ERC2: variants seen among roughly 807,000 people sequenced by gnomAD.
ERC2 encodes ERC protein 2.
ERC2 carries 42 observed loss-of-function variants against 114.8 expected under a neutral mutation model. The ratio of observed to expected loss-of-function variants is 0.37; its 90% CI spans 0.29 to 0.47. The LOEUF (loss-of-function observed/expected upper bound fraction) is 0.47, where lower values mean the gene tolerates loss of function less well. Ranked by LOEUF, ERC2 falls within the 20% of genes least tolerant of loss-of-function variation. The pLI is 0.99. For missense variants in ERC2, 939 were observed against 1,150.7 expected, an observed-to-expected ratio of 0.82 and a Z score of 2.66; for synonymous variants, 454 against 425.5, an observed-to-expected ratio of 1.07 and a Z score of -0.82.
chr3:56,108,120 C>T (rs940570006), intron 6 of ERC2, among the ~76,000 whole-genome samples: 2 of 152,078 alleles, frequency 1.3e-5, no homozygotes, highest in Non-Finnish European at 2.9e-5. Context: ...AATACCACAT[C>T]AATAAGCAAA....
chr3:56,256,342 A>G (rs1015321137), intron 3 of ERC2, among the ~76,000 whole-genome samples: 2 of 152,232 alleles, frequency 1.3e-5, no homozygotes, highest in Admixed American at 6.5e-5. Flanking sequence ...GTACTGAATA[A>G]CAGAGAGTTG....
At chr3:55,671,899 C>A (rs1022110744) in intron 17 of ERC2, among the ~76,000 whole-genome samples, 2 of 152,200 alleles carry the variant, frequency 1.3e-5, no homozygotes, top group African/African-American at 4.8e-5. Flanking sequence ...ATAAGCACAG[C>A]AAACGCTGTC....
chr3:56,190,125 T>C (rs760629986), intron 3 of ERC2, among the ~76,000 whole-genome samples: 1 of 152,084 alleles, frequency 6.6e-6, no homozygotes, highest in Non-Finnish European at 1.5e-5. Context: ...AAAAATGAAA[T>C]GGAATTAGGG....
intron 2 of ERC2, among the ~76,000 whole-genome samples, chr3:56,405,491 G>T (rs1366557016): frequency 1.3e-5 from 2 of 151,930 alleles, no homozygotes; most frequent in African/African-American, 4.8e-5. Flanking sequence ...CAAAGTCAAT[G>T]TTCACACAGT....
chr3:55,765,289 C>T (rs962823332), intron 14 of ERC2, among the ~76,000 whole-genome samples: 5 of 152,068 alleles, frequency 3.3e-5, no homozygotes, highest in African/African-American at 9.7e-5. Flanking sequence ...TAAAAGGAGA[C>T]TTTTTTCTCT....
At chr3:56,468,094 C>A in intron 1 of ERC2, among the ~76,000 whole-genome samples, 154 bp downstream of exon 1, 1 of 131,324 alleles carries the variant, frequency 7.6e-6, no homozygotes, top group African/African-American at 2.7e-5. Context: ...CAAGAAAGCC[C>A]CGTAGGAGGC....
At chr3:56,384,628 G>T (rs2059869431) in intron 2 of ERC2, among the ~76,000 whole-genome samples, 2 of 152,016 alleles carry the variant, frequency 1.3e-5, no homozygotes, top group South Asian at 4.1e-4. Flanking sequence ...TATATGATTT[G>T]CAAATATTTT....
intron 16 of ERC2, among the ~76,000 whole-genome samples, chr3:55,687,875 A>G (rs1342752731): frequency 3.3e-5 from 5 of 152,358 alleles, no homozygotes; most frequent in Admixed American, 3.3e-4. Context: ...TCTGTAAAGG[A>G]AAACAATAGG....
chr3:56,230,281 G>GCATCCATCA (rs1210985613), intron 3 of ERC2, among the ~76,000 whole-genome samples: 1 of 152,136 alleles, frequency 6.6e-6, no homozygotes, highest in Non-Finnish European at 1.5e-5. Context: ...TTCTTAAATA[G>GCATCCATCA]CATCCATCAC....
chr3:55,821,306 C>T (rs1324793640), intron 14 of ERC2, among the ~76,000 whole-genome samples: 4 of 152,144 alleles, frequency 2.6e-5, no homozygotes, highest in Admixed American at 1.3e-4. Flanking sequence ...ATCTCTGGCT[C>T]GCCGGCCACT....
At chr3:55,900,845 T>C (rs902656653) in intron 13 of ERC2, among the ~76,000 whole-genome samples, 7 of 152,242 alleles carry the variant, frequency 4.6e-5, no homozygotes, top group Non-Finnish European at 1.0e-4. Context: ...TAATCATTAC[T>C]GGTGATTTAG....
At chr3:56,399,367 T>A (rs574175386) in intron 2 of ERC2, among the ~76,000 whole-genome samples, 1 of 152,348 alleles carries the variant, frequency 6.6e-6, no homozygotes, top group East Asian at 1.9e-4. Flanking sequence ...AAGCATGGAC[T>A]ATAGATATGC....
intron 2 of ERC2, among the ~76,000 whole-genome samples, chr3:56,314,459 T>G (rs888403875): frequency 2.2e-5 from 3 of 135,152 alleles, no homozygotes; most frequent in Non-Finnish European, 4.6e-5. Flanking sequence ...GATTGCAAAC[T>G]GTTCCAGAAT....
chr3:55,791,995 C>T (rs1440009610), intron 14 of ERC2, among the ~76,000 whole-genome samples: 1 of 152,146 alleles, frequency 6.6e-6, no homozygotes, highest in Admixed American at 6.5e-5. Flanking sequence ...CCCTCACCCA[C>T]GACTGTGTAT....
At chr3:55,656,614 G>A (rs1303494445) in intron 17 of ERC2, among the ~76,000 whole-genome samples, 2 of 152,176 alleles carry the variant, frequency 1.3e-5, no homozygotes, top group Non-Finnish European at 2.9e-5. Flanking sequence ...TTACAAAATA[G>A]AGACCTTGTG....
intron 14 of ERC2, among the ~76,000 whole-genome samples, chr3:55,826,709 A>G (rs2060340103): frequency 6.6e-6 from 1 of 152,166 alleles, no homozygotes; most frequent in Admixed American, 6.5e-5. Context: ...CCTGATTTCC[A>G]CTTCAGTTTT....
chr3:55,881,413 G>T (rs1166740179), intron 14 of ERC2, among the ~76,000 whole-genome samples: 1 of 151,972 alleles, frequency 6.6e-6, no homozygotes, highest in African/African-American at 2.4e-5. Context: ...AAAACAAAGG[G>T]GCCTGCTGAA....
chr3:56,348,836 A>G (rs2058411343), intron 2 of ERC2, among the ~76,000 whole-genome samples: 1 of 150,814 alleles, frequency 6.6e-6, no homozygotes, highest in Admixed American at 6.6e-5. Context: ...TCTTTACCCT[A>G]CCACTTTTCT....
intron 14 of ERC2, among the ~76,000 whole-genome samples, chr3:55,808,506 A>T (rs1248207376): frequency 1.3e-5 from 2 of 151,690 alleles, no homozygotes; most frequent in Non-Finnish European, 2.9e-5. Context: ...AGACTATGAC[A>T]AAAGAGAGCT....
Sources: allele counts gnomAD v4.1 joint callset (sites outside exome capture counted in the v4.1 genomes callset), GRCh38; gene constraint gnomAD v4.1.1; transcripts MANE v1.5; gene names NCBI Gene and HGNC (gene_info 2026-07-23, HGNC 2026-07-21).